Variants in ASPRV1 observed in about 807,000 individuals in gnomAD.
ASPRV1 encodes the protein retroviral-like aspartic protease 1.
A neutral mutation model predicts 11.0 loss-of-function variants in ASPRV1; 7 were observed. The observed-to-expected ratio is 0.64, with a 90% CI of 0.36 to 1.20. The LOEUF (loss-of-function observed/expected upper bound fraction) is 1.20, where lower values mean the gene tolerates loss of function less well. Ranked by LOEUF, ASPRV1 falls within the 50% of genes most tolerant of loss-of-function variation. The pLI, the probability that ASPRV1 is intolerant of heterozygous loss-of-function variation, is 0.02. For synonymous variants in ASPRV1, 136 were observed against 138.4 expected (o/e 0.98, Z 0.12); for missense variants, 299 against 320.0 (o/e 0.93, Z 0.50).
chr2:70,033,877 G>A, the ASPRV1 span, among the ~76,000 whole-genome samples: 3 of 152,134 alleles, frequency 2.0e-5, no homozygotes, highest in African/African-American at 2.4e-5. Context: ...AATGCTGGCC[G>A]GGCGCGGTGG....
At chr2:70,060,546 C>T in the ASPRV1 span, among the ~76,000 whole-genome samples, 1 of 152,146 alleles carries the variant, frequency 6.6e-6, no homozygotes, top group Non-Finnish European at 1.5e-5. Context: ...GGCACAGTGG[C>T]TTACGCCTGT....
chr2:69,978,963 T>G, the ASPRV1 span, among the ~76,000 whole-genome samples: 1 of 148,400 alleles, frequency 6.7e-6, no homozygotes, highest in Admixed American at 6.6e-5. Context: ...GCATTTTTCC[T>G]CCTCCTCCCA....
At chr2:70,039,854 A>T in the ASPRV1 span, among the ~76,000 whole-genome samples, 1 of 152,210 alleles carries the variant, frequency 6.6e-6, no homozygotes, top group Non-Finnish European at 1.5e-5. Context: ...AACATCTTAC[A>T]TTACAACCGG....
chr2:69,971,388 T>C, the ASPRV1 span: 5 of 152,058 alleles, frequency 3.3e-5, no homozygotes, highest in Admixed American at 2.0e-4. Context: ...CCACCCACCA[T>C]TTGGAAAACT....
chr2:69,935,456 G>A, the ASPRV1 span: 7 of 1,609,538 alleles, frequency 4.3e-6, no homozygotes, highest in Non-Finnish European at 6.0e-6. Flanking sequence ...AAGCCAAATT[G>A]CACATAAAGG....
In ASPRV1 at chr2:69,960,861, A is replaced by G. The variant is rs201257906; in HGVS notation, c.576T>C (p.Asn192=). The G allele has an allele frequency of 7.4e-5, 119 of 1,614,134 alleles. 1 individual carries two copies. The East Asian group carries it at 2.3e-3, about 31-fold the overall frequency. Residue 192 remains asparagine (N), a synonymous_variant, in exon 1 of 1, where the codon AAT becomes AAC. Coordinates refer to ENST00000320256, the MANE Select transcript of ASPRV1 (RefSeq NM_152792.4). ...CAATGATGGCTTCCTCGGCACTCGC[A>G]TTGGCCACTAGGAACTGTGCCTTCA... is the stretch of plus-strand genomic sequence containing the variant. ...LKLKAQFLVA[N]ASAEEAIIGT...
At chr2:70,087,144 T>A in the ASPRV1 span, 1 of 152,100 alleles carries the variant, frequency 6.6e-6, no homozygotes, top group Non-Finnish European at 1.5e-5. Flanking sequence ...GCCCATGTCG[T>A]TCCGCGCACG....
At chr2:70,060,212 A>G in the ASPRV1 span, 1 of 151,812 alleles carries the variant, frequency 6.6e-6, no homozygotes. Flanking sequence ...GTGGTGGCGC[A>G]CATCTGTAAT....
the ASPRV1 span, chr2:70,053,779 C>T: frequency 6.6e-6 from 1 of 152,158 alleles, no homozygotes; most frequent in African/African-American, 2.4e-5. Context: ...TCTCAAGTCC[C>T]CAACACACTT....
the ASPRV1 span, among the ~76,000 whole-genome samples, chr2:70,082,893 C>CA: frequency 6.6e-6 from 1 of 151,744 alleles, no homozygotes; most frequent in Non-Finnish European, 1.5e-5. Context: ...GACCTTCTCT[C>CA]AAAAAATAAA....
the ASPRV1 span, among the ~76,000 whole-genome samples, chr2:70,041,507 T>C: frequency 9.9e-5 from 15 of 152,178 alleles, no homozygotes; most frequent in Non-Finnish European, 2.1e-4. Context: ...CCACAAGATA[T>C]AGAAGAGAAA....
chr2:69,977,812 G>C, the ASPRV1 span, among the ~76,000 whole-genome samples: 3 of 152,220 alleles, frequency 2.0e-5, no homozygotes, highest in Non-Finnish European at 4.4e-5. Flanking sequence ...GGGTCACAAA[G>C]TGGAAATTAG....
chr2:70,051,808 T>C, the ASPRV1 span, among the ~76,000 whole-genome samples: 1 of 150,976 alleles, frequency 6.6e-6, no homozygotes, highest in Non-Finnish European at 1.5e-5. Flanking sequence ...ACCCCATCTT[T>C]AGAAAAAAAT....
the ASPRV1 span, chr2:70,086,994 G>C: frequency 6.6e-6 from 1 of 151,728 alleles, no homozygotes; most frequent in Non-Finnish European, 1.5e-5. Context: ...CGCAGGCCTC[G>C]CCTCGCCGCC....
chr2:70,062,262 G>A, the ASPRV1 span, among the ~76,000 whole-genome samples: 1 of 151,784 alleles, frequency 6.6e-6, no homozygotes, highest in Non-Finnish European at 1.5e-5. Flanking sequence ...CCAAGATCGT[G>A]CCATTGCACT....
the ASPRV1 span, among the ~76,000 whole-genome samples, chr2:70,021,852 G>A: frequency 1.4e-5 from 2 of 140,136 alleles, no homozygotes; most frequent in African/African-American, 2.7e-5. Flanking sequence ...ACAGGAGTGT[G>A]CCACCATACC....
the ASPRV1 span, among the ~76,000 whole-genome samples, chr2:70,072,433 G>A: frequency 4.0e-5 from 6 of 150,864 alleles, no homozygotes; most frequent in Non-Finnish European, 5.9e-5. Flanking sequence ...AATAAAAAAA[G>A]GCCAGGTGGC....
the ASPRV1 span, among the ~76,000 whole-genome samples, chr2:70,058,552 T>A: frequency 1.6e-5 from 2 of 127,882 alleles, no homozygotes; most frequent in African/African-American, 2.9e-5. Context: ...TCTGAAGAAA[T>A]TTTTTTTTTT....
chr2:69,938,344 C>T, the ASPRV1 span: 84 of 1,540,490 alleles, frequency 5.5e-5, no homozygotes, highest in African/African-American at 2.2e-4. Flanking sequence ...GATTAGGTAA[C>T]GTATTGGACC....
Sources: allele counts gnomAD v4.1 joint callset (sites outside exome capture counted in the v4.1 genomes callset), GRCh38; gene constraint gnomAD v4.1.1; transcripts MANE v1.5; gene names NCBI Gene and HGNC (gene_info 2026-07-23, HGNC 2026-07-21).